The following FAM13A variants were observed in gnomAD, a reference collection of about 807,000 sequenced individuals.
FAM13A encodes the protein family with sequence similarity 13 member A, also known as protein FAM13A.
Under a neutral mutation model 129.6 loss-of-function variants are expected in FAM13A, and 76 were observed. The observed-to-expected ratio is 0.59, with a 90% CI of 0.49 to 0.71. The LOEUF (loss-of-function observed/expected upper bound fraction) is 0.71, where lower values mean the gene tolerates loss of function less well. FAM13A is among the 30% of genes least tolerant of loss of function. The probability of loss-of-function intolerance (pLI) is 0.00; values close to 1 mark genes in which losing one functional copy is unlikely to be tolerated. For synonymous variants in FAM13A, 443 were observed against 449.9 expected (o/e 0.98, Z 0.20); for missense variants, 1,108 against 1,249.3 (o/e 0.89, Z 1.70).
intron 7 of FAM13A, among the ~76,000 whole-genome samples, chr4:88,806,645 A>T (rs1385987595): frequency 6.6e-6 from 1 of 152,156 alleles, no homozygotes; most frequent in Non-Finnish European, 1.5e-5. Flanking sequence ...GTTGCCAAAT[A>T]CCTTAATGTT....
At chr4:88,897,527 G>A (rs985579029) in intron 6 of FAM13A, among the ~76,000 whole-genome samples, 4 of 152,204 alleles carry the variant, frequency 2.6e-5, no homozygotes, top group Non-Finnish European at 5.9e-5. Flanking sequence ...CATCTCCAGA[G>A]CTAATGGACA....
intron 7 of FAM13A, among the ~76,000 whole-genome samples, chr4:88,838,139 G>A (rs941392863): frequency 6.6e-6 from 1 of 152,144 alleles, no homozygotes; most frequent in Non-Finnish European, 1.5e-5. Flanking sequence ...ATTTATATCA[G>A]GGACTTAAGT....
intron 1 of FAM13A, among the ~76,000 whole-genome samples, chr4:89,037,846 G>T (rs1398937): frequency 0.1 from 15,908 of 152,178 alleles, 901 homozygotes; most frequent in African/African-American, 0.14. Context: ...GGCCATGTAA[G>T]ATGAACCTGC....
intron 6 of FAM13A, among the ~76,000 whole-genome samples, chr4:88,893,616 C>T (rs538752233): frequency 1.5e-4 from 21 of 139,818 alleles, no homozygotes; most frequent in African/African-American, 5.5e-4. Flanking sequence ...GAGCCAGACT[C>T]TGTCTCAATG....
intron 3 of FAM13A, among the ~76,000 whole-genome samples, chr4:89,012,248 C>G (rs1173351928): frequency 6.6e-6 from 1 of 152,066 alleles, no homozygotes; most frequent in East Asian, 1.9e-4. Flanking sequence ...ACTGCCCTAC[C>G]AACATAAGGA....
chr4:88,996,519 C>G (rs1028796993), intron 3 of FAM13A, among the ~76,000 whole-genome samples: 1 of 152,208 alleles, frequency 6.6e-6, no homozygotes. Flanking sequence ...TGAGTGACTA[C>G]TCTGTTCCAG....
intron 4 of FAM13A, among the ~76,000 whole-genome samples, chr4:88,946,951 G>A (rs917770174): frequency 2.0e-5 from 3 of 152,130 alleles, no homozygotes; most frequent in Admixed American, 1.3e-4. Context: ...AGGACATGTT[G>A]AAACTGCAAC....
intron 14 of FAM13A, among the ~76,000 whole-genome samples, 184 bp downstream of exon 14, chr4:88,758,570 T>C (rs1026511719): frequency 6.6e-6 from 1 of 152,120 alleles, no homozygotes; most frequent in Non-Finnish European, 1.5e-5. Context: ...GCAACTGCCC[T>C]CAGCAACATT....
At chr4:88,867,571 T>C (rs1002355915) in intron 6 of FAM13A, among the ~76,000 whole-genome samples, 1 of 152,240 alleles carries the variant, frequency 6.6e-6, no homozygotes, top group African/African-American at 2.4e-5. Flanking sequence ...CTGTTAAGTA[T>C]TGACTTTGGG....
rs183663623 is a variant in FAM13A, at chr4:88,728,209, G to A, written c.*324C>T. 1 of 318,230 alleles carries A rather than the reference G, an allele frequency of 3.1e-6. No homozygotes were observed. The highest frequency in any genetic ancestry group is 2.1e-5 in the African/African-American group (1 of 47,928). The allele number at this position is 318,230 out of a possible 1,614,324, so 19.7% of individuals were successfully genotyped here. A position where few individuals can be genotyped will look rare whatever the true frequency, so the allele number is the denominator to read the frequency against. On this transcript the variant is annotated 3_prime_UTR_variant, in exon 24 of 24. Transcript: ENST00000264344. ...CAGTGTATATTCTCTGTAGATGAGTGTTGTCTAATGTAGTGATTAATCTCT... is the reference window on the plus strand; with the variant it reads ...CAGTGTATATTCTCTGTAGATGAGTATTGTCTAATGTAGTGATTAATCTCT...
chr4:88,827,010 C>T (rs556369703), intron 7 of FAM13A, among the ~76,000 whole-genome samples: 1 of 152,292 alleles, frequency 6.6e-6, no homozygotes, highest in African/African-American at 2.4e-5. Flanking sequence ...CACTTACAGA[C>T]TTCCCCCAAA....
At chr4:88,919,533 T>C (rs1423949643) in intron 5 of FAM13A, among the ~76,000 whole-genome samples, 1 of 152,192 alleles carries the variant, frequency 6.6e-6, no homozygotes, top group African/African-American at 2.4e-5. Flanking sequence ...ATGTATGAGT[T>C]GATTCACAAC....
At chr4:88,862,879 T>C (rs1020537199) in intron 6 of FAM13A, among the ~76,000 whole-genome samples, 1 of 151,580 alleles carries the variant, frequency 6.6e-6, no homozygotes, top group African/African-American at 2.4e-5. Context: ...TCTACGTAAA[T>C]AATATAGTCA....
chr4:88,731,915 T>C, intron 22 of FAM13A, 87 bp downstream of exon 22: 1 of 1,063,870 alleles, frequency 9.4e-7, no homozygotes, highest in East Asian at 2.6e-5. Context: ...TTTTATCAGC[T>C]AATTTATTTA....
intron 19 of FAM13A, among the ~76,000 whole-genome samples, chr4:88,742,253 CTT>C (rs1740427991): frequency 1.3e-5 from 2 of 152,190 alleles, no homozygotes; most frequent in Admixed American, 1.3e-4. Flanking sequence ...CTTCCTTACT[CTT>C]TGTTCAAAAA....
In FAM13A at chr4:88,750,640, G is replaced by C; in HGVS notation, c.1727-3C>G. On this transcript the variant is annotated splice_polypyrimidine_tract_variant and splice_region_variant and intron_variant, in intron 14 of 23. Transcript: ENST00000264344. ...GGAGGAGAAAGCAGGGATAGGCTCT[G>C]GAAGATAAGGGCAGTAAGATCAGGA... is the stretch of plus-strand genomic sequence containing the variant. 6.3e-7 allele frequency: 1 copy of C among 1,584,970 alleles called. No homozygotes were observed. Among genetic ancestry groups the C allele is most frequent in the Non-Finnish European group, 8.5e-7 (1 of 1,173,854 alleles).
At chr4:88,841,680 T>C (rs924172566) in intron 7 of FAM13A, among the ~76,000 whole-genome samples, 7 of 152,182 alleles carry the variant, frequency 4.6e-5, no homozygotes, top group Non-Finnish European at 7.4e-5. Flanking sequence ...AACATCATTA[T>C]TCATTGGGGC....
chr4:88,782,845 G>GA (rs1425223888), intron 10 of FAM13A, among the ~76,000 whole-genome samples: 1 of 152,158 alleles, frequency 6.6e-6, no homozygotes. Flanking sequence ...CACGCACTGA[G>GA]AGCAGTGCCT....
intron 7 of FAM13A, among the ~76,000 whole-genome samples, chr4:88,827,011 T>G (rs1193177148): frequency 6.6e-6 from 1 of 152,146 alleles, no homozygotes; most frequent in Non-Finnish European, 1.5e-5. Context: ...ACTTACAGAC[T>G]TCCCCCAAAT....
Sources: allele counts gnomAD v4.1 joint callset (sites outside exome capture counted in the v4.1 genomes callset), GRCh38; gene constraint gnomAD v4.1.1; transcripts MANE v1.5; gene names NCBI Gene and HGNC (gene_info 2026-07-23, HGNC 2026-07-21).